PSEN2: variants seen among roughly 807,000 people sequenced by gnomAD.
The protein encoded by PSEN2 is presenilin 2.
In PSEN2, 32 loss-of-function variants were observed where a neutral mutation model predicts 49.1. The ratio of observed to expected loss-of-function variants is 0.65; its 90% confidence interval spans 0.49 to 0.88. PSEN2 has a LOEUF of 0.88. PSEN2 is among the 40% of genes least tolerant of loss of function. The probability of loss-of-function intolerance (pLI) is 0.00; values close to 1 mark genes in which losing one functional copy is unlikely to be tolerated. For synonymous variants in PSEN2, 255 were observed against 244.0 expected, an observed-to-expected ratio of 1.05 and a Z score of -0.42; for missense variants, 522 against 586.9, an observed-to-expected ratio of 0.89 and a Z score of 1.14.
chr1:226,880,460 C>G (rs201375480), intron 3 of PSEN2: 2 of 1,415,806 alleles, frequency 1.4e-6, no homozygotes, highest in African/African-American at 2.9e-5. Flanking sequence ...ACCTGCTATC[C>G]CTGCCCAGGG....
chr1:226,883,796 A>G lies in PSEN2; in HGVS notation c.233A>G (p.Glu78Gly). 6.2e-7 allele frequency: 1 copy of G among 1,614,160 alleles called. No homozygotes were observed. Among genetic ancestry groups the G allele is most frequent in the South Asian group, 1.1e-5 (1 of 91,080 alleles). Residue 78 changes from glutamate to glycine, a missense_variant, in exon 5 of 13, where the codon GAG becomes GGG. By Grantham distance (98) the Glu-to-Gly change is moderately conservative. Coordinates refer to ENST00000366783, the MANE Select transcript of PSEN2 (RefSeq NM_000447.3). ...VPGRPPGLEE[E>G]LTLKYGAKHV... ...GGGCGGCCGCCAGGCCTGGAGGAAG[A>G]GCTGACCCTCAAATACGGAGCGAAG...
chr1:226,875,933 C>A (rs1401922480), intron 3 of PSEN2, among the ~76,000 whole-genome samples: 1 of 152,234 alleles, frequency 6.6e-6, no homozygotes, highest in African/African-American at 2.4e-5. Flanking sequence ...AGCCTCAGCA[C>A]TTCCTTGTTG....
Position 226,881,953 on chromosome 1 carries a change from G to A in PSEN2, c.46G>A (p.Glu16Lys). The A allele has an allele frequency of 6.2e-7, 1 of 1,614,104 alleles. No homozygotes were observed. The highest frequency in any genetic ancestry group is 8.5e-7 in the Non-Finnish European group (1 of 1,179,976). Residue 16 changes from glutamate (E) to lysine (K), a missense_variant, in exon 4 of 13, where the codon GAG (glutamate) becomes AAG (lysine). By Grantham distance (56) the Glu-to-Lys change is moderately conservative. Transcript: ENST00000366783. The stretch of plus-strand genomic sequence containing the variant: ...TGACAGCGAGGAAGAAGTGTGTGAT[G>A]AGCGGACGTCCCTAATGTCGGCTGA... Reference protein sequence around the residue: ...ASDSEEEVCDERTSLMSAESP... With the variant: ...ASDSEEEVCDKRTSLMSAESP...
intron 3 of PSEN2, among the ~76,000 whole-genome samples, chr1:226,878,877 T>C (rs1660799360): frequency 6.6e-6 from 1 of 152,130 alleles, no homozygotes; most frequent in Non-Finnish European, 1.5e-5. Flanking sequence ...ATGCAGCAAC[T>C]CTTTGTTGTG....
intron 12 of PSEN2, among the ~76,000 whole-genome samples, chr1:226,894,407 C>G (rs1661981930): frequency 6.6e-6 from 1 of 152,218 alleles, no homozygotes; most frequent in African/African-American, 2.4e-5. Flanking sequence ...GGCCGAGGAC[C>G]CAGCTGACAG....
chr1:226,873,436 A>G (rs979282727), intron 2 of PSEN2, among the ~76,000 whole-genome samples: 1 of 151,866 alleles, frequency 6.6e-6, no homozygotes, highest in African/African-American at 2.4e-5. Context: ...TTTTTTTGAG[A>G]TGGAGTTTCA....
At chr1:226,880,067 C>T (rs1405908197) in intron 3 of PSEN2, among the ~76,000 whole-genome samples, 1 of 152,168 alleles carries the variant, frequency 6.6e-6, no homozygotes, top group Non-Finnish European at 1.5e-5. Flanking sequence ...AAGGAACCTG[C>T]CTGCTTTGTT....
chr1:226,902,879 C>T (rs576339424), intron 12 of PSEN2, among the ~76,000 whole-genome samples: 1 of 152,292 alleles, frequency 6.6e-6, no homozygotes, highest in Admixed American at 6.5e-5. Flanking sequence ...GAGCCACCCT[C>T]CTCTGCCTAC....
intron 8 of PSEN2, among the ~76,000 whole-genome samples, 161 bp from the exon 9 acceptor site, chr1:226,889,874 G>A (rs1026420420): frequency 2.6e-5 from 4 of 152,198 alleles, no homozygotes; most frequent in African/African-American, 9.6e-5. Flanking sequence ...CTCACACCAG[G>A]GCCTGCTCTA....
intron 11 of PSEN2, among the ~76,000 whole-genome samples, chr1:226,892,119 G>A (rs557668822): frequency 1.5e-4 from 23 of 152,298 alleles, no homozygotes; most frequent in Admixed American, 6.5e-4. Context: ...AAGGAGACAC[G>A]GGCAGTAATC....
At position 226,887,663 on chromosome 1, in the gene PSEN2, C is replaced by A. The variant is rs118147159; in HGVS notation, c.499-428C>A. Reference sequence around the variant, plus strand: ...CTAACATTATTTTCTCCATGGCCCTCATCATTACCTGCTGATATACTGTAT... The same window carrying A: ...CTAACATTATTTTCTCCATGGCCCTAATCATTACCTGCTGATATACTGTAT... On this transcript the variant is annotated intron_variant, in intron 6 of 12. Transcript: ENST00000366783. Among the ~76,000 whole-genome samples, 40 of 152,294 alleles carry A rather than the reference C, an allele frequency of 2.6e-4. No individual in the cohort carries two copies. The East Asian group carries it at 7.5e-3, about 29-fold the overall frequency.
Position 226,886,152 on chromosome 1 carries a change from G to A in PSEN2, c.498+473G>A, listed in dbSNP as rs148547900. Among the ~76,000 whole-genome samples, 300 of 152,268 alleles carry A rather than the reference G, an allele frequency of 2.0e-3. 2 individuals carry two copies. The highest frequency in any genetic ancestry group is 3.4e-3 in the Non-Finnish European group (232 of 68,016). On this transcript the variant is annotated intron_variant, in intron 6 of 12. Transcript: ENST00000366783. Reference sequence around the variant, plus strand: ...CAAAGTTCTGGGATTACATGTGTGAGCCATTGCATCCAGCCTGTTGTCTTT... The same window carrying A: ...CAAAGTTCTGGGATTACATGTGTGAACCATTGCATCCAGCCTGTTGTCTTT...
At chr1:226,887,882 C>A (rs1327047250) in intron 6 of PSEN2, among the ~76,000 whole-genome samples, 1 of 152,134 alleles carries the variant, frequency 6.6e-6, no homozygotes, top group Non-Finnish European at 1.5e-5. Flanking sequence ...GGAGTCCTGT[C>A]TGCATGCGCT....
rs1188914591 is a variant in PSEN2, at chr1:226,888,899, G to A, written c.637G>A (p.Ala213Thr). The change falls in exon 8 of 13, where the codon GCA becomes ACA. Residue 213 changes from alanine to threonine, a missense_variant. Transcript: ENST00000366783. Reference protein sequence around the residue: ...TLLLTVWNFGAVGMVCIHWKG... With the variant: ...TLLLTVWNFGTVGMVCIHWKG... ...CTTGCTGACTGTCTGGAACTTCGGG[G>A]CAGTGGGCATGGTGTGCATCCACTG... The A allele has an allele frequency of 1.9e-6, 3 of 1,614,210 alleles. No individual in the cohort carries two copies. Among genetic ancestry groups the A allele is most frequent in the Admixed American group, 1.7e-5 (1 of 60,026 alleles).
At chr1:226,889,941 G>T in intron 8 of PSEN2, 94 bp from the exon 9 acceptor site, 1 of 990,412 alleles carries the variant, frequency 1.0e-6, no homozygotes, top group Admixed American at 1.8e-5. Flanking sequence ...GGCATGCTCT[G>T]AGAGCTCCAC....
At chr1:226,889,363 G>A (rs1558150130) in intron 8 of PSEN2, among the ~76,000 whole-genome samples, 3 of 151,746 alleles carry the variant, frequency 2.0e-5, no homozygotes, top group Non-Finnish European at 4.4e-5. Flanking sequence ...TGCAACCTCC[G>A]CCTCCCGGGT....
intron 6 of PSEN2, 43 bp downstream of exon 6, chr1:226,885,722 T>C: frequency 6.2e-7 from 1 of 1,600,668 alleles, no homozygotes; most frequent in Non-Finnish European, 8.5e-7. Context: ...TCTCTCCGTC[T>C]GCCCCACACC....
chr1:226,873,614 C>T (rs969457141), intron 2 of PSEN2, among the ~76,000 whole-genome samples: 2 of 152,080 alleles, frequency 1.3e-5, no homozygotes, highest in Non-Finnish European at 2.9e-5. Context: ...CGGGGTTTCA[C>T]CATGTTGGCC....
intron 6 of PSEN2, among the ~76,000 whole-genome samples, chr1:226,886,005 A>G (rs190242286): frequency 6.6e-6 from 1 of 152,192 alleles, no homozygotes; most frequent in Admixed American, 6.5e-5. Flanking sequence ...AGCTAGGACT[A>G]CAGGTTTGCA....
Sources: gnomAD v4.1 joint callset for allele counts (sites outside exome capture counted in the v4.1 genomes callset) on GRCh38, gnomAD v4.1.1 for gene constraint, MANE v1.5 for transcripts, NCBI Gene and HGNC (gene_info 2026-07-23, HGNC 2026-07-21) for gene names.